MAN2A2: variants seen among roughly 807,000 people sequenced by gnomAD.
MAN2A2 encodes mannosidase alpha class 2A member 2.
In MAN2A2, 79 loss-of-function variants were observed where a neutral mutation model predicts 126.8. The ratio of observed to expected loss-of-function variants is 0.62; its 90% confidence interval spans 0.52 to 0.75. The LOEUF is 0.75. Among genes scored for constraint, MAN2A2 ranks in the 30% least tolerant of loss-of-function variants. The pLI is 0.00. For synonymous variants in MAN2A2, 671 were observed against 618.7 expected (o/e 1.08, Z -1.25); for missense variants, 1,392 against 1,522.4 (o/e 0.91, Z 1.43).
In MAN2A2 at chr15:90,911,532, G is replaced by C. The variant is rs145546526; in HGVS notation, c.2091G>C (p.Ala697=). 4.3e-6 allele frequency: 7 copies of C among 1,612,462 alleles called. No homozygotes were observed. In the African/African-American group the frequency reaches 5.3e-5, roughly 12 times the overall value. The part of the protein sequence containing the change: ...ISAHWSSATE[A]VPDVYQVSVP... Reference sequence around the variant, plus strand: ...CACACTGGAGCTCTGCCACCGAGGCGGTCCCTGACGTCTACCAGGTGAGGT... The same window carrying C: ...CACACTGGAGCTCTGCCACCGAGGCCGTCCCTGACGTCTACCAGGTGAGGT... The change falls in exon 14 of 23, where the codon GCG becomes GCC. Residue 697 remains alanine, a synonymous_variant. Transcript: ENST00000559717.
chr15:90,904,474 C>T (rs1303864949), intron 2 of MAN2A2, 135 bp downstream of exon 2: 2 of 1,020,250 alleles, frequency 2.0e-6, no homozygotes, highest in African/African-American at 3.2e-5. Flanking sequence ...CCTTCCTTCC[C>T]AATAGTCAGG....
chr15:90,918,026 C>T (rs975161521), intron 20 of MAN2A2, among the ~76,000 whole-genome samples, 168 bp from the exon 21 acceptor site: 1 of 152,172 alleles, frequency 6.6e-6, no homozygotes, highest in Non-Finnish European at 1.5e-5. Flanking sequence ...AATGTCCACA[C>T]TTGAAGGGTT....
intron 13 of MAN2A2, 31 bp downstream of exon 13, chr15:90,911,269 C>A (rs1360333336): frequency 1.2e-6 from 2 of 1,613,290 alleles, no homozygotes; most frequent in South Asian, 2.2e-5. Context: ...TGCAGAGAGG[C>A]AGAGCCATTC....
chr15:90,916,041 C>A, intron 19 of MAN2A2, 82 bp from the exon 20 acceptor site: 1 of 1,501,552 alleles, frequency 6.7e-7, no homozygotes, highest in Non-Finnish European at 9.1e-7. Context: ...CCGTCAGGGC[C>A]TGTGGCTTGG....
rs1430615794 is a variant in MAN2A2, at chr15:90,905,372, C to T, written c.254C>T (p.Pro85Leu). 9 of 1,613,882 alleles carry T rather than the reference C, an allele frequency of 5.6e-6. No individual in the cohort carries two copies. The highest frequency in any genetic ancestry group is 1.7e-4 in the Middle Eastern group (1 of 6,058). The change falls in exon 3 of 23, where the codon CCG becomes CTG. Residue 85 changes from proline to leucine, a missense_variant. Coordinates refer to ENST00000559717, the MANE Select transcript of MAN2A2 (RefSeq NM_006122.4). ...GAGCTGACAGCCAACGCAGAGGGCC[C>T]GCCCGCCATGCTGCCCTACTACACG... ...VLELTANAEG[P>L]PAMLPYYTVN...
intron 19 of MAN2A2, chr15:90,915,628 G>C (rs113604918): frequency 0.035 from 5,433 of 153,128 alleles, 337 homozygotes; most frequent in African/African-American, 0.12. Flanking sequence ...GCTTGAGTCT[G>C]ACCTGCTGGG....
At chr15:90,904,003 C>T in intron 1 of MAN2A2, 187 bp from the exon 2 acceptor site, 2 of 663,578 alleles carry the variant, frequency 3.0e-6, no homozygotes, top group Non-Finnish European at 5.5e-6. Context: ...GCGTCCTCTC[C>T]ACCCTAGCGG....
upstream of MAN2A2, chr15:90,902,406 G>A (rs1567111489): frequency 6.6e-6 from 1 of 152,254 alleles, no homozygotes; most frequent in African/African-American, 2.4e-5. Flanking sequence ...GGGGCGCAAC[G>A]ACAGAGACCT....
chr15:90,918,112 C>T, intron 20 of MAN2A2, 82 bp from the exon 21 acceptor site: 1 of 1,338,092 alleles, frequency 7.5e-7, no homozygotes, highest in Non-Finnish European at 1.1e-6. Flanking sequence ...AACAACTGAC[C>T]TGGGTGTGCT....
At position 90,916,236 on chromosome 15, in the gene MAN2A2, C is replaced by T. The variant is rs372172477; in HGVS notation, c.2974C>T (p.Arg992Trp). 1.9e-5 allele frequency: 30 copies of T among 1,613,986 alleles called. No individual in the cohort carries two copies. The African/African-American group carries it at 2.9e-4, about 16-fold the overall frequency. ...CAACCGTTTCCGCCTCCTGCTAGAG[C>T]GGCGAACCGTGGGCAGTGAGGTAAC... ...TCNRFRLLLE[R>W]RTVGSEVQDS... Residue 992 changes from arginine (R) to tryptophan (W), a missense_variant, in exon 20 of 23, where the codon CGG becomes TGG. Coordinates refer to ENST00000559717, the MANE Select transcript of MAN2A2 (RefSeq NM_006122.4).
Position 90,905,733 on chromosome 15 carries a change from C to T in MAN2A2, c.535+10C>T, listed in dbSNP as rs1173029168. ...TCTCACAATGACCCAGGTGAGGGCC[C>T]TGCAGACTCCTGGGAGCTGGAGTGT... is the stretch of plus-strand genomic sequence containing the variant. On this transcript the variant is annotated intron_variant, in intron 4 of 22. Coordinates refer to ENST00000559717, the MANE Select transcript of MAN2A2 (RefSeq NM_006122.4). 1.9e-6 allele frequency: 3 copies of T among 1,613,454 alleles called. No homozygotes were observed. The highest frequency in any genetic ancestry group is 2.5e-6 in the Non-Finnish European group (3 of 1,179,770).
chr15:90,911,738 AG>A, intron 14 of MAN2A2, 188 bp downstream of exon 14: 3 of 658,758 alleles, frequency 4.6e-6, no homozygotes, highest in Non-Finnish European at 7.7e-6. Flanking sequence ...CTTGAAAAGA[AG>A]GGGAAGGTTG....
intron 17 of MAN2A2, 136 bp downstream of exon 17, chr15:90,913,127 G>T (rs544708472): frequency 8.1e-7 from 1 of 1,233,112 alleles, no homozygotes; most frequent in East Asian, 2.4e-5. Context: ...TTCTCTTGGA[G>T]AAAAAGTCAT....
In MAN2A2 at chr15:90,905,850, A is replaced by T; in HGVS notation, c.541A>T (p.Ile181Phe). The change falls in exon 5 of 23, where the codon ATC (isoleucine) becomes TTC (phenylalanine). Residue 181 changes from isoleucine (I) to phenylalanine (F), a missense_variant. Coordinates refer to ENST00000559717, the MANE Select transcript of MAN2A2 (RefSeq NM_006122.4). ...ACCCTACATTGGCTCCCTAGGCTGGATCAAGACCTTTGACAAGTACTACAC... is the reference window on the plus strand; with the variant it reads ...ACCCTACATTGGCTCCCTAGGCTGGTTCAAGACCTTTGACAAGTACTACAC... The part of the protein sequence containing the change: ...VPHSHNDPGW[I>F]KTFDKYYTEQ... The T allele has an allele frequency of 6.4e-7, 1 of 1,574,740 alleles. No homozygotes were observed. Among genetic ancestry groups the T allele is most frequent in the Non-Finnish European group, 8.6e-7 (1 of 1,159,760 alleles).
chr15:90,915,032 G>A (rs890224212), intron 19 of MAN2A2, among the ~76,000 whole-genome samples: 5 of 152,330 alleles, frequency 3.3e-5, no homozygotes, highest in South Asian at 4.1e-4. Context: ...AAGGCTAGGC[G>A]TGGCCCAATG....
rs142889109 is a variant in MAN2A2 at position 90,905,388 on chromosome 15, C to G, written c.270C>G (p.Pro90=). 1.1e-4 allele frequency: 181 copies of G among 1,613,992 alleles called. No homozygotes were observed. The African/African-American group carries it at 1.9e-3, about 17-fold the overall frequency. ...CAGAGGGCCCGCCCGCCATGCTGCC[C>G]TACTACACGGTCAATGGCTCCTGGG... ...ANAEGPPAML[P]YYTVNGSWVV... is the part of the protein sequence containing the mutation. Residue 90 remains proline, a synonymous_variant, in exon 3 of 23, where the codon CCC becomes CCG. Transcript: ENST00000559717.
rs765886932 is a variant in MAN2A2 at position 90,912,243 on chromosome 15, G to A, written c.2310G>A (p.Met770Ile). 5 of 1,614,246 alleles carry A rather than the reference G, an allele frequency of 3.1e-6. No homozygotes were observed. The highest frequency in any genetic ancestry group is 3.4e-6 in the Non-Finnish European group (4 of 1,180,046). ...ACTTCGCCCTCAGCAACCGCTACATGCAGGTCTGGTTCTCAGGCCTTACTG... is the reference window on the plus strand; with the variant it reads ...ACTTCGCCCTCAGCAACCGCTACATACAGGTCTGGTTCTCAGGCCTTACTG... ...TSDFALSNRYMQVWFSGLTGL... is the reference protein window; with the variant it reads ...TSDFALSNRYIQVWFSGLTGL... Residue 770 changes from methionine to isoleucine, a missense_variant, in exon 15 of 23, where the codon ATG (methionine) becomes ATA (isoleucine). Transcript: ENST00000559717.
rs772526864 is a variant in MAN2A2, at chr15:90,905,341, G to A, written c.223G>A (p.Val75Met). The A allele has an allele frequency of 9.9e-6, 16 of 1,613,796 alleles. No homozygotes were observed. The highest frequency in any genetic ancestry group is 4.5e-5 in the East Asian group (2 of 44,898). Residue 75 changes from valine to methionine, a missense_variant, in exon 3 of 23, where the codon GTG (valine) becomes ATG (methionine). Coordinates refer to ENST00000559717, the MANE Select transcript of MAN2A2 (RefSeq NM_006122.4). ...GATTATCAGCCATATCAAGGACTCCGTGCTGGAGCTGACAGCCAACGCAGA... is the reference window on the plus strand; with the variant it reads ...GATTATCAGCCATATCAAGGACTCCATGCTGGAGCTGACAGCCAACGCAGA... ...HEIISHIKDS[V>M]LELTANAEGP... is the part of the protein sequence containing the mutation.
chr15:90,913,160 T>C (rs2151316121), intron 17 of MAN2A2, 113 bp from the exon 18 acceptor site: 1 of 1,378,478 alleles, frequency 7.3e-7, no homozygotes. Flanking sequence ...TGGGGATTTC[T>C]TGGGAGGTTG....
Sources: allele counts gnomAD v4.1 joint callset (sites outside exome capture counted in the v4.1 genomes callset), GRCh38; gene constraint gnomAD v4.1.1; transcripts MANE v1.5; gene names NCBI Gene and HGNC (gene_info 2026-07-23, HGNC 2026-07-21).